Variants in ANGPT1 observed in about 807,000 individuals in gnomAD.
ANGPT1 encodes the protein angiopoietin-1.
In ANGPT1, 17 loss-of-function variants were observed where a neutral mutation model predicts 62.2. That is an observed-to-expected ratio of 0.27 (90% CI 0.19 to 0.41). The LOEUF is 0.41. Among genes scored for constraint, ANGPT1 ranks in the 10% least tolerant of loss-of-function variants. ANGPT1 has a pLI of 1.00. For synonymous variants in ANGPT1, 199 were observed against 198.9 expected, an observed-to-expected ratio of 1.00 and a Z score of 0.00; for missense variants, 478 against 594.9, an observed-to-expected ratio of 0.80 and a Z score of 2.04.
At chr8:107,324,960 A>C (rs2130076902) in intron 3 of ANGPT1, among the ~76,000 whole-genome samples, 1 of 152,320 alleles carries the variant, frequency 6.6e-6, no homozygotes, top group Non-Finnish European at 1.5e-5. Context: ...TAATATAGGG[A>C]AACTGTGATG....
At chr8:107,305,696 A>C (rs1170089542) in intron 4 of ANGPT1, among the ~76,000 whole-genome samples, 1 of 152,076 alleles carries the variant, frequency 6.6e-6, no homozygotes, top group Non-Finnish European at 1.5e-5. Context: ...TTATGGTAAC[A>C]TATCTGAAAT....
intron 4 of ANGPT1, among the ~76,000 whole-genome samples, chr8:107,318,352 T>A (rs1815069793): frequency 6.6e-6 from 1 of 152,200 alleles, no homozygotes; most frequent in Admixed American, 6.5e-5. Context: ...TCTCACAACA[T>A]CAGATGTGTT....
chr8:107,333,813 A>C (rs891192986), intron 3 of ANGPT1, among the ~76,000 whole-genome samples: 1 of 151,870 alleles, frequency 6.6e-6, no homozygotes, highest in Admixed American at 6.6e-5. Context: ...TGAGAATTCT[A>C]TAGTAGGAAA....
intron 1 of ANGPT1, among the ~76,000 whole-genome samples, chr8:107,451,022 C>A (rs534431878): frequency 6.6e-6 from 1 of 151,830 alleles, no homozygotes; most frequent in African/African-American, 2.4e-5. Context: ...AGTCACTTCT[C>A]ATTTAGGTAA....
At chr8:107,428,766 G>A (rs1198490256) in intron 1 of ANGPT1, among the ~76,000 whole-genome samples, 1 of 151,874 alleles carries the variant, frequency 6.6e-6, no homozygotes, top group African/African-American at 2.4e-5. Flanking sequence ...CACCTTTATG[G>A]GAATCCCATT....
At chr8:107,318,332 C>CT (rs1294234540) in intron 4 of ANGPT1, among the ~76,000 whole-genome samples, 1 of 152,150 alleles carries the variant, frequency 6.6e-6, no homozygotes, top group African/African-American at 2.4e-5. Flanking sequence ...AGTTGTCCTT[C>CT]TTAAAAGTAT....
At chr8:107,261,391 A>G (rs932345855) in intron 8 of ANGPT1, among the ~76,000 whole-genome samples, 1 of 152,130 alleles carries the variant, frequency 6.6e-6, no homozygotes, top group Non-Finnish European at 1.5e-5. Context: ...TGATGCCAAA[A>G]GGATAGTTCA....
intron 1 of ANGPT1, among the ~76,000 whole-genome samples, chr8:107,373,529 G>C (rs1251319252): frequency 1.3e-5 from 2 of 152,152 alleles, no homozygotes; most frequent in African/African-American, 4.8e-5. Flanking sequence ...TGGATTGAAG[G>C]AGTGAAATGA....
In ANGPT1 at chr8:107,354,391, A is replaced by G. The variant is rs114236239; in HGVS notation, c.298-7294T>C. Reference sequence around the variant, plus strand: ...CCAGGTACTATCATTGATATACTCCATGAATTTGGAGAAATCACTTAAACA... The same window carrying G: ...CCAGGTACTATCATTGATATACTCCGTGAATTTGGAGAAATCACTTAAACA... On this transcript the variant is annotated intron_variant, in intron 1 of 8. Transcript: ENST00000517746. 3.8e-3 allele frequency among the ~76,000 whole-genome samples: 585 copies of G among 152,280 alleles called. 6 individuals are homozygous for G. Among genetic ancestry groups the G allele is most frequent in the African/African-American group, 0.014 (563 of 41,554 alleles).
chr8:107,319,863 G>GA (rs1313339327), intron 4 of ANGPT1, among the ~76,000 whole-genome samples: 6 of 151,956 alleles, frequency 3.9e-5, no homozygotes, highest in African/African-American at 7.2e-5. Context: ...TAAGATTAAA[G>GA]AAAAAAGAGA....
At chr8:107,306,988 G>C (rs1161537432) in intron 4 of ANGPT1, among the ~76,000 whole-genome samples, 1 of 152,006 alleles carries the variant, frequency 6.6e-6, no homozygotes, top group Non-Finnish European at 1.5e-5. Context: ...CCTGAAAGAG[G>C]GCTGTATCTA....
intron 1 of ANGPT1, among the ~76,000 whole-genome samples, chr8:107,383,569 C>T (rs1046095874): frequency 6.6e-6 from 1 of 152,096 alleles, no homozygotes; most frequent in Admixed American, 6.6e-5. Context: ...CTGTCTAGGT[C>T]TGAATTACTT....
intron 1 of ANGPT1, among the ~76,000 whole-genome samples, chr8:107,385,360 T>C (rs1027877880): frequency 1.3e-5 from 2 of 152,118 alleles, no homozygotes; most frequent in African/African-American, 4.8e-5. Context: ...CCTGGTTAGC[T>C]GTATTCTAGG....
intron 1 of ANGPT1, among the ~76,000 whole-genome samples, chr8:107,380,125 A>G (rs1316788315): frequency 1.8e-5 from 2 of 109,824 alleles, no homozygotes; most frequent in East Asian, 5.0e-4. Flanking sequence ...AAGAATAAAA[A>G]TACAAATAGA....
chr8:107,487,089 C>A (rs1812833247), intron 1 of ANGPT1, among the ~76,000 whole-genome samples: 1 of 152,094 alleles, frequency 6.6e-6, no homozygotes, highest in African/African-American at 2.4e-5. Context: ...CTATAGTCCC[C>A]CGTCCCTCAC....
In ANGPT1 at chr8:107,276,345, T is replaced by A. The variant is rs1813866294; in HGVS notation, c.1205+8337A>T. On this transcript the variant is annotated intron_variant, in intron 7 of 8. Transcript: ENST00000517746. The stretch of plus-strand genomic sequence containing the variant: ...AAACTGCCAGGAGATTTCCTACATA[T>A]TTTTTCATACCTTGATCAGTCCAGA... Among the ~76,000 whole-genome samples, 3 of 152,264 alleles carry A rather than the reference T, an allele frequency of 2.0e-5. No individual in the cohort carries two copies. The South Asian group carries it at 6.2e-4, about 32-fold the overall frequency.
Position 107,303,280 on chromosome 8 carries a change from A to G in ANGPT1, c.896T>C (p.Ile299Thr). 1.2e-6 allele frequency: 2 copies of G among 1,607,298 alleles called. No individual in the cohort carries two copies. Among genetic ancestry groups the G allele is most frequent in the Non-Finnish European group, 1.7e-6 (2 of 1,175,236 alleles). The change falls in exon 5 of 9, where the codon ATC becomes ACC. Residue 299 changes from isoleucine (I) to threonine (T), a missense_variant. By Grantham distance (89) the Ile-to-Thr change is moderately conservative. This residue lies in a region of ANGPT1 where 343 missense variants were observed against 355.4 expected (regional missense o/e 0.97). Transcript: ENST00000517746. ...VYQAGFNKSGIYTIYINNMPE... is the reference protein window; with the variant it reads ...VYQAGFNKSGTYTIYINNMPE... ...CATATTATTAATATAAATAGTGTAG[A>G]TTCCACTTTTATTAAAACCAGCTTG...
chr8:107,451,910 T>C (rs894769047), intron 1 of ANGPT1, among the ~76,000 whole-genome samples: 5 of 152,002 alleles, frequency 3.3e-5, no homozygotes, highest in Admixed American at 6.6e-5. Flanking sequence ...TAAAGGACTA[T>C]TAATGTGTTT....
chr8:107,455,848 C>T (rs901704930), intron 1 of ANGPT1, among the ~76,000 whole-genome samples: 3 of 151,958 alleles, frequency 2.0e-5, no homozygotes, highest in African/African-American at 7.2e-5. Flanking sequence ...CCTCCCTCCT[C>T]ATTAGTCTCT....
Sources: allele counts gnomAD v4.1 joint callset (sites outside exome capture counted in the v4.1 genomes callset), GRCh38; gene constraint gnomAD v4.1.1; regional missense constraint gnomAD v4.1.1; transcripts MANE v1.5; gene names NCBI Gene and HGNC (gene_info 2026-07-23, HGNC 2026-07-21).